The following KCNJ15 variants were observed in gnomAD, a reference collection of about 807,000 sequenced individuals.
KCNJ15 encodes potassium inwardly rectifying channel subfamily J member 15.
Under a neutral mutation model 23.0 loss-of-function variants are expected in KCNJ15, and 14 were observed. That is an observed-to-expected ratio of 0.61 (90% CI 0.40 to 0.95). KCNJ15 has a LOEUF of 0.95. KCNJ15 is among the 40% of genes least tolerant of loss of function. The pLI, the probability that KCNJ15 is intolerant of heterozygous loss-of-function variation, is 0.00. For synonymous variants in KCNJ15, 185 were observed against 183.2 expected, an observed-to-expected ratio of 1.01 and a Z score of -0.08; for missense variants, 388 against 461.8, an observed-to-expected ratio of 0.84 and a Z score of 1.46.
chr21:38,230,272 T>G (rs1988695764), intron 1 of KCNJ15, among the ~76,000 whole-genome samples: 1 of 152,192 alleles, frequency 6.6e-6, no homozygotes, highest in South Asian at 2.1e-4. Context: ...ATTTCCCTAG[T>G]GGCTAAAGAT....
At chr21:38,262,628 C>A (rs1320006423) in intron 1 of KCNJ15, among the ~76,000 whole-genome samples, 1 of 151,862 alleles carries the variant, frequency 6.6e-6, no homozygotes, top group African/African-American at 2.4e-5. Flanking sequence ...AAAACAATTA[C>A]CCTTTAAACA....
Position 38,300,618 on chromosome 21 carries a change from T to C in KCNJ15, c.*229T>C, listed in dbSNP as rs1985695728. On this transcript the variant is annotated 3_prime_UTR_variant, in exon 3 of 3. Coordinates refer to ENST00000398938, the MANE Select transcript of KCNJ15 (RefSeq NM_170736.3). The stretch of plus-strand genomic sequence containing the variant: ...GAAAGTGAACTCTCATAATTCAAAT[T>C]GTATAAAATAAAGCTACATTTCTAA... 2.0e-6 allele frequency: 1 copy of C among 496,754 alleles called. No individual in the cohort carries two copies. The highest frequency in any genetic ancestry group is 3.7e-6 in the Non-Finnish European group (1 of 273,556). 30.8% of individuals were successfully genotyped at this position (496,754 alleles called of 1,614,324 possible).
intron 1 of KCNJ15, among the ~76,000 whole-genome samples, chr21:38,243,004 G>A (rs1979115656): frequency 6.6e-6 from 1 of 152,104 alleles, no homozygotes; most frequent in Non-Finnish European, 1.5e-5. Flanking sequence ...CAAAGATAGG[G>A]ATTCAAGCCC....
chr21:38,297,882 A>G (rs914795704), intron 2 of KCNJ15, among the ~76,000 whole-genome samples: 2 of 152,248 alleles, frequency 1.3e-5, no homozygotes, highest in African/African-American at 2.4e-5. Flanking sequence ...TAAAATGCCC[A>G]GCAGACCCAT....
intron 1 of KCNJ15, among the ~76,000 whole-genome samples, chr21:38,238,966 G>A (rs1236001684): frequency 6.6e-6 from 1 of 152,136 alleles, no homozygotes; most frequent in Non-Finnish European, 1.5e-5. Flanking sequence ...GGGAAGATCT[G>A]CAAGTTAAAG....
chr21:38,259,004 C>CGT lies in KCNJ15; in HGVS notation c.-117+1837_-117+1838dup, dbSNP rs141128448. Among the ~76,000 whole-genome samples, 232 of 149,762 alleles carry CGT rather than the reference C, an allele frequency of 1.5e-3. 1 individual carries two copies. The highest frequency in any genetic ancestry group is 7.0e-3 in the Middle Eastern group (2 of 284). On this transcript the variant is annotated intron_variant, in intron 1 of 2. Coordinates refer to ENST00000398938, the MANE Select transcript of KCNJ15 (RefSeq NM_170736.3). ...TCGAAAGGGCTGTGCTTTCTTGGGGCGTGTGTGTGTGTGTGTGTGCGCGTG... is the reference window on the plus strand; with the variant it reads ...TCGAAAGGGCTGTGCTTTCTTGGGGCGTGTGTGTGTGTGTGTGTGTGCGCGTG...
At chr21:38,243,082 CATTATA>C (rs1272905159) in intron 1 of KCNJ15, among the ~76,000 whole-genome samples, 1 of 152,128 alleles carries the variant, frequency 6.6e-6, no homozygotes, top group African/African-American at 2.4e-5. Context: ...ATCTTCTTAT[CATTATA>C]ATTACTGAGA....
At chr21:38,265,214 C>T (rs985464859) in intron 1 of KCNJ15, among the ~76,000 whole-genome samples, 1 of 152,160 alleles carries the variant, frequency 6.6e-6, no homozygotes, top group Non-Finnish European at 1.5e-5. Context: ...AATTTTCTAA[C>T]ATTTACCCAT....
rs2146355405 is a variant in KCNJ15, at chr21:38,300,133, G to A, written c.872G>A (p.Ser291Asn). 6.2e-7 allele frequency: 1 copy of A among 1,614,182 alleles called. No homozygotes were observed. The highest frequency in any genetic ancestry group is 1.1e-5 in the South Asian group (1 of 91,090). ...CTCAATGCCACTGTGGAATCCACCAGCGCTGTCTGCCAGAGCCGAACATCT... is the reference window on the plus strand; with the variant it reads ...CTCAATGCCACTGTGGAATCCACCAACGCTGTCTGCCAGAGCCGAACATCT... ...VLLNATVEST[S>N]AVCQSRTSYI... Residue 291 changes from serine to asparagine, a missense_variant, in exon 3 of 3, where the codon AGC (serine) becomes AAC (asparagine). By Grantham distance (46) the Ser-to-Asn change is conservative. Transcript: ENST00000398938.
intron 1 of KCNJ15, among the ~76,000 whole-genome samples, chr21:38,280,412 G>GGT (rs1370891505): frequency 1.3e-5 from 2 of 152,060 alleles, no homozygotes; most frequent in Non-Finnish European, 1.5e-5. Flanking sequence ...ATAGTGTGTG[G>GGT]GTGTGTGTTC....
At chr21:38,247,819 G>A (rs901645155) in intron 1 of KCNJ15, among the ~76,000 whole-genome samples, 3 of 152,176 alleles carry the variant, frequency 2.0e-5, no homozygotes, top group Admixed American at 6.5e-5. Context: ...GGTCCAGTGT[G>A]CAACTATGAA....
upstream of KCNJ15, among the ~76,000 whole-genome samples, chr21:38,254,853 A>G (rs1038406669): frequency 3.9e-5 from 6 of 152,228 alleles, no homozygotes; most frequent in Non-Finnish European, 8.8e-5. Flanking sequence ...AAAGGTGTTC[A>G]AATGTTAGTT....
chr21:38,293,198 T>C (rs1425269854), intron 1 of KCNJ15, among the ~76,000 whole-genome samples: 1 of 152,140 alleles, frequency 6.6e-6, no homozygotes, highest in East Asian at 1.9e-4. Flanking sequence ...GTAGTTGAAT[T>C]ATGGCTCAGT....
rs1982989215 is a variant in KCNJ15 at position 38,278,654 on chromosome 21, AG to A, written c.-116-18269del. On this transcript the variant is annotated intron_variant, in intron 1 of 2. Coordinates refer to ENST00000398938, the MANE Select transcript of KCNJ15 (RefSeq NM_170736.3). ...AGGTGGAGAAAGCACCTACCTAGAAAGGGTAACACCCCAAAGGATAGACATG... is the reference window on the plus strand; with the variant it reads ...AGGTGGAGAAAGCACCTACCTAGAAAGGTAACACCCCAAAGGATAGACATG... Among the ~76,000 whole-genome samples the A allele has an allele frequency of 6.6e-5, 10 of 152,332 alleles. No individual in the cohort carries two copies. The South Asian group carries it at 2.1e-3, about 32-fold the overall frequency.
chr21:38,253,556 T>C (rs1979981110), upstream of KCNJ15, among the ~76,000 whole-genome samples: 1 of 152,222 alleles, frequency 6.6e-6, no homozygotes, highest in Non-Finnish European at 1.5e-5. Context: ...GTTGTAAGCT[T>C]CCATAAATAG....
chr21:38,293,728 GAAAA>G (rs111723119), intron 1 of KCNJ15, among the ~76,000 whole-genome samples: 1 of 90,844 alleles, frequency 1.1e-5, no homozygotes, highest in African/African-American at 4.7e-5. Context: ...GTAGTCTAAG[GAAAA>G]AGTGCTTTTG....
chr21:38,251,142 G>T (rs1429174081), intron 1 of KCNJ15, among the ~76,000 whole-genome samples: 1 of 152,206 alleles, frequency 6.6e-6, no homozygotes, highest in East Asian at 1.9e-4. Context: ...CAGTGGGCTG[G>T]AGAAGGTAAC....
intron 1 of KCNJ15, among the ~76,000 whole-genome samples, chr21:38,283,906 G>A (rs2123686715): frequency 6.6e-6 from 1 of 152,230 alleles, no homozygotes; most frequent in Non-Finnish European, 1.5e-5. Context: ...AGTCTCCTTT[G>A]CCTGTATCTC....
rs146656761 is a variant in KCNJ15 at position 38,299,819 on chromosome 21, C to T, written c.558C>T (p.Ile186=). 31 of 1,613,990 alleles carry T rather than the reference C, an allele frequency of 1.9e-5. No individual in the cohort carries two copies. The highest frequency in any genetic ancestry group is 1.5e-5 in the Non-Finnish European group (18 of 1,180,034). ...TCAAGTTCAGCCACTGTGCAGTCAT[C>T]ACCAAGCAGAATGGGAAGCTGTGCT... ...ETIKFSHCAV[I]TKQNGKLCLV... Residue 186 remains isoleucine, a synonymous_variant, in exon 3 of 3, where the codon ATC becomes ATT. Transcript: ENST00000398938. This position sits in a 1 kb window ranked among gnomAD's most constrained non-coding sequence, Gnocchi z 4.5.
Sources: gnomAD v4.1 joint callset for allele counts (sites outside exome capture counted in the v4.1 genomes callset) on GRCh38, gnomAD v4.1.1 for gene constraint, Gnocchi (gnomAD v3.1) non-coding constraint, MANE v1.5 for transcripts, NCBI Gene and HGNC (gene_info 2026-07-23, HGNC 2026-07-21) for gene names.